The following ATAD2B variants were observed in gnomAD, a reference collection of about 807,000 sequenced individuals.
ATAD2B encodes ATPase family AAA domain-containing protein 2B.
ATAD2B carries 40 observed loss-of-function variants against 167.6 expected under a neutral mutation model. That is an observed-to-expected ratio of 0.24 (90% CI 0.19 to 0.31). The LOEUF is 0.31. ATAD2B is among the 10% of genes least tolerant of loss of function. ATAD2B has a pLI of 1.00. For synonymous variants in ATAD2B, 579 were observed against 596.5 expected (o/e 0.97, Z 0.43); for missense variants, 1,242 against 1,757.2 (o/e 0.71, Z 5.24).
At chr2:23,913,982 G>C (rs1190153394) in intron 1 of ATAD2B, among the ~76,000 whole-genome samples, 1 of 151,934 alleles carries the variant, frequency 6.6e-6, no homozygotes, top group Admixed American at 6.6e-5. Flanking sequence ...AACCACACCA[G>C]TATGGACCAG....
chr2:23,708,023 G>A, the ATAD2B span: 1 of 152,210 alleles, frequency 6.6e-6, no homozygotes. Context: ...TTGAGTTGAA[G>A]TTGGTACCAA....
At chr2:23,848,539 C>T (rs569528895) in intron 13 of ATAD2B, among the ~76,000 whole-genome samples, 2 of 152,216 alleles carry the variant, frequency 1.3e-5, no homozygotes, top group East Asian at 1.9e-4. Context: ...TGCAAGTATA[C>T]TATTTCAAGG....
chr2:23,892,478 T>C (rs545124998), intron 2 of ATAD2B, among the ~76,000 whole-genome samples: 19 of 151,218 alleles, frequency 1.3e-4, no homozygotes, highest in Admixed American at 2.0e-4. Flanking sequence ...CTTTTCTTTT[T>C]TTTTTTTTTT....
At chr2:23,871,122 A>AC (rs397755202) in intron 8 of ATAD2B, among the ~76,000 whole-genome samples, 25 of 150,940 alleles carry the variant, frequency 1.7e-4, no homozygotes, top group Non-Finnish European at 2.4e-4. Flanking sequence ...AAAAAAAAAA[A>AC]CCTCAAAAAT....
At chr2:23,752,159 C>T in intron 27 of ATAD2B, 72 bp from the exon 28 acceptor site, 1 of 1,134,206 alleles carries the variant, frequency 8.8e-7, no homozygotes, top group Non-Finnish European at 1.3e-6. Context: ...CGGAAGAATT[C>T]ACTTTAAATT....
intron 23 of ATAD2B, among the ~76,000 whole-genome samples, chr2:23,765,186 G>A (rs1677240107): frequency 6.6e-6 from 1 of 152,120 alleles, no homozygotes; most frequent in Non-Finnish European, 1.5e-5. Context: ...GTAAACTGAT[G>A]AAAAATAAAA....
rs1162370391 is a variant in ATAD2B at position 23,867,838 on chromosome 2, T to C, written c.1185A>G (p.Lys395=). 1 of 1,594,322 alleles carries C rather than the reference T, an allele frequency of 6.3e-7. No individual in the cohort carries two copies. The highest frequency in any genetic ancestry group is 1.4e-5 in the African/African-American group (1 of 73,932). ...GAAAAACATTTACAAAACTTACTGA[T>C]TTATCAATGTTCATTGGATCAACAT... The part of the protein sequence containing the change: ...LADVDPMNID[K]SVRFDSIGGL... Residue 395 remains lysine, a synonymous_variant, in exon 10 of 28, where the codon AAA becomes AAG. Coordinates refer to ENST00000238789, the MANE Select transcript of ATAD2B (RefSeq NM_017552.4).
intron 4 of ATAD2B, among the ~76,000 whole-genome samples, chr2:23,886,183 C>A (rs962855186): frequency 6.6e-6 from 1 of 151,914 alleles, no homozygotes; most frequent in Non-Finnish European, 1.5e-5. Flanking sequence ...TGGGCTCAAG[C>A]GATTCATTCA....
intron 12 of ATAD2B, 54 bp from the exon 13 acceptor site, chr2:23,857,557 T>G (rs931617238): frequency 1.0e-5 from 9 of 891,210 alleles, no homozygotes; most frequent in South Asian, 2.4e-5. Context: ...TTTTTAAAAT[T>G]TATTATATTT....
the ATAD2B span, chr2:23,695,605 G>A: frequency 6.6e-7 from 1 of 1,520,370 alleles, no homozygotes; most frequent in Non-Finnish European, 8.8e-7. This position sits in a 1 kb window ranked among gnomAD's most constrained non-coding sequence, Gnocchi z 7.6. Flanking sequence ...AGAAGATTCT[G>A]TCTCCTGTAC....
At chr2:23,756,097 C>T (rs1675920727) in intron 25 of ATAD2B, among the ~76,000 whole-genome samples, 1 of 152,086 alleles carries the variant, frequency 6.6e-6, no homozygotes, top group African/African-American at 2.4e-5. Context: ...AAAATAGACT[C>T]CTCTATCCCC....
chr2:23,704,873 G>A, the ATAD2B span, among the ~76,000 whole-genome samples: 1 of 152,354 alleles, frequency 6.6e-6, no homozygotes, highest in African/African-American at 2.4e-5. Context: ...TCTTCAGTGT[G>A]GGAATAGCAT....
At chr2:23,708,792 G>C in the ATAD2B span, among the ~76,000 whole-genome samples, 1 of 152,170 alleles carries the variant, frequency 6.6e-6, no homozygotes, top group Non-Finnish European at 1.5e-5. Context: ...GACAATTGAA[G>C]GTAAAAGTTG....
chr2:23,795,589 A>C (rs1468050550), intron 19 of ATAD2B, among the ~76,000 whole-genome samples: 1 of 152,170 alleles, frequency 6.6e-6, no homozygotes, highest in Non-Finnish European at 1.5e-5. Context: ...TGACCTAAAG[A>C]AAGCAAGCAG....
chr2:23,704,173 C>T, the ATAD2B span, among the ~76,000 whole-genome samples: 1 of 152,222 alleles, frequency 6.6e-6, no homozygotes, highest in Admixed American at 6.5e-5. Flanking sequence ...CCCAGGACCA[C>T]CTGCCCCATC....
chr2:23,916,227 T>C (rs1703024101), intron 1 of ATAD2B, among the ~76,000 whole-genome samples: 1 of 152,226 alleles, frequency 6.6e-6, no homozygotes, highest in South Asian at 2.1e-4. Context: ...TATTCTTTCA[T>C]TATCTTGTCA....
chr2:23,719,570 G>T, the ATAD2B span, among the ~76,000 whole-genome samples: 2 of 152,014 alleles, frequency 1.3e-5, no homozygotes, highest in Non-Finnish European at 2.9e-5. Flanking sequence ...GCAGAGAAGT[G>T]AAAAACCTCC....
chr2:23,691,935 C>A, the ATAD2B span: 5 of 1,488,188 alleles, frequency 3.4e-6, no homozygotes, highest in African/African-American at 6.9e-5. Context: ...GCGGAGAACT[C>A]CATAAACAGC....
intron 18 of ATAD2B, chr2:23,809,234 G>C (rs1685157807): frequency 6.6e-6 from 1 of 152,090 alleles, no homozygotes; most frequent in Non-Finnish European, 1.5e-5. Flanking sequence ...ACACACCCAG[G>C]ATGAGTTAAA....
Sources: allele counts gnomAD v4.1 joint callset (sites outside exome capture counted in the v4.1 genomes callset), GRCh38; gene constraint gnomAD v4.1.1; non-coding constraint Gnocchi (gnomAD v3.1); transcripts MANE v1.5; gene names NCBI Gene and HGNC (gene_info 2026-07-23, HGNC 2026-07-21).